The following BAIAP2L1 variants were observed in gnomAD, a reference collection of about 807,000 sequenced individuals.
BAIAP2L1 encodes the protein BAR/IMD domain containing adaptor protein 2 like 1.
A neutral mutation model predicts 66.3 loss-of-function variants in BAIAP2L1; 35 were observed. The observed-to-expected ratio is 0.53, with a 90% CI of 0.40 to 0.70. The LOEUF (loss-of-function observed/expected upper bound fraction) is 0.70, where lower values mean the gene tolerates loss of function less well. BAIAP2L1 is among the 30% of genes least tolerant of loss of function. The pLI, the probability that BAIAP2L1 is intolerant of heterozygous loss-of-function variation, is 0.00. For synonymous variants in BAIAP2L1, 269 were observed against 248.7 expected (o/e 1.08, Z -0.77); for missense variants, 622 against 656.9 (o/e 0.95, Z 0.58).
In BAIAP2L1 at chr7:98,389,344, A is replaced by G. The variant is rs201237815; in HGVS notation, c.51+11458T>C. The stretch of plus-strand genomic sequence containing the variant: ...TTATTTTTTATTTTTTTTGAGACAG[A>G]GTCTCACTCTGTCACCCAGGCTGGA... On this transcript the variant is annotated intron_variant, in intron 1 of 13. Coordinates refer to ENST00000005260, the MANE Select transcript of BAIAP2L1 (RefSeq NM_018842.5). 6.6e-4 allele frequency among the ~76,000 whole-genome samples: 101 copies of G among 151,882 alleles called. 1 individual carries two copies. The highest frequency in any genetic ancestry group is 1.2e-3 in the Non-Finnish European group (81 of 67,958).
intron 1 of BAIAP2L1, among the ~76,000 whole-genome samples, chr7:98,368,471 T>C (rs573803474): frequency 2.6e-5 from 4 of 151,238 alleles, no homozygotes; most frequent in African/African-American, 7.3e-5. Flanking sequence ...GGCGGGTGGA[T>C]CACAAGGTCA....
In BAIAP2L1 at chr7:98,310,638, C is replaced by T. The variant is rs73391047; in HGVS notation, c.808-46G>A. On this transcript the variant is annotated intron_variant, in intron 8 of 13. Coordinates refer to ENST00000005260, the MANE Select transcript of BAIAP2L1 (RefSeq NM_018842.5). ...GTCCAATATTAGTATAGTGCAGAACCGGAATTACACAGATTCCCAAGGCTG... is the reference window on the plus strand; with the variant it reads ...GTCCAATATTAGTATAGTGCAGAACTGGAATTACACAGATTCCCAAGGCTG... 2,729 of 1,405,012 alleles carry T rather than the reference C, an allele frequency of 1.9e-3. 51 individuals carry two copies. The African/African-American group carries it at 0.036, about 19-fold the overall frequency. The allele number at this position is 1,405,012 out of a possible 1,614,324, so 87.0% of individuals were successfully genotyped here.
At chr7:98,346,171 G>A (rs1801869266) in intron 3 of BAIAP2L1, among the ~76,000 whole-genome samples, 1 of 152,096 alleles carries the variant, frequency 6.6e-6, no homozygotes, top group Non-Finnish European at 1.5e-5. Context: ...AAATTAATTT[G>A]CAGATTTCAG....
At chr7:98,305,053 T>TTG (rs1554410664) in intron 11 of BAIAP2L1, among the ~76,000 whole-genome samples, 3 of 92,082 alleles carry the variant, frequency 3.3e-5, no homozygotes, top group East Asian at 3.0e-4. Context: ...TTTTGTTTTT[T>TTG]TTTTTTTTTT....
At chr7:98,338,099 A>C (rs1801653676) in intron 3 of BAIAP2L1, among the ~76,000 whole-genome samples, 1 of 152,196 alleles carries the variant, frequency 6.6e-6, no homozygotes, top group Admixed American at 6.5e-5. Context: ...TTGTGCAACC[A>C]TCACCACTAC....
At chr7:98,364,443 G>C (rs1487403821) in intron 1 of BAIAP2L1, among the ~76,000 whole-genome samples, 1 of 152,138 alleles carries the variant, frequency 6.6e-6, no homozygotes, top group African/African-American at 2.4e-5. Context: ...TGCTCAGTGT[G>C]GCTTGACTGT....
At chr7:98,302,320 G>A (rs1395430007) in intron 12 of BAIAP2L1, among the ~76,000 whole-genome samples, 3 of 152,172 alleles carry the variant, frequency 2.0e-5, no homozygotes, top group Non-Finnish European at 4.4e-5. Flanking sequence ...TGGCCAAAGT[G>A]TCAGTGCTCT....
At chr7:98,336,442 G>A (rs1006562576) in intron 3 of BAIAP2L1, among the ~76,000 whole-genome samples, 3 of 151,950 alleles carry the variant, frequency 2.0e-5, no homozygotes, top group Non-Finnish European at 4.4e-5. Context: ...GGTGAAAAAC[G>A]CTGTCTCTAC....
chr7:98,363,547 C>T (rs554840572), intron 1 of BAIAP2L1, among the ~76,000 whole-genome samples: 5 of 152,256 alleles, frequency 3.3e-5, no homozygotes, highest in Non-Finnish European at 5.9e-5. Context: ...AAGTATAAGA[C>T]AAATAACTAT....
At chr7:98,320,346 T>C in intron 3 of BAIAP2L1, 48 bp from the exon 4 acceptor site, 1 of 1,455,738 alleles carries the variant, frequency 6.9e-7, no homozygotes, top group Non-Finnish European at 9.4e-7. Context: ...GCGTATTTTT[T>C]TGTTTTGAAA....
intron 12 of BAIAP2L1, among the ~76,000 whole-genome samples, chr7:98,302,586 G>A (rs1383983546): frequency 7.6e-6 from 1 of 132,310 alleles, no homozygotes; most frequent in African/African-American, 2.6e-5. Flanking sequence ...CAGGAGACAC[G>A]GGGGAACGCA....
At chr7:98,354,491 C>T (rs1172896375) in intron 3 of BAIAP2L1, among the ~76,000 whole-genome samples, 3 of 152,174 alleles carry the variant, frequency 2.0e-5, no homozygotes, top group Non-Finnish European at 4.4e-5. Flanking sequence ...TCCCTAACCC[C>T]CGACAGTGAA....
At chr7:98,393,208 AT>A (rs1170550821) in intron 1 of BAIAP2L1, among the ~76,000 whole-genome samples, 1 of 140,520 alleles carries the variant, frequency 7.1e-6, no homozygotes, top group African/African-American at 2.6e-5. Flanking sequence ...TATATATGTA[AT>A]TTTTGTATTT....
At chr7:98,369,208 G>A (rs949393497) in intron 1 of BAIAP2L1, among the ~76,000 whole-genome samples, 4 of 152,106 alleles carry the variant, frequency 2.6e-5, no homozygotes, top group African/African-American at 9.7e-5. Context: ...CAGGCCATGC[G>A]TGGTGACTCA....
At chr7:98,353,961 CAATAAAATAAAATAAAATAA>C (rs72080714) in intron 3 of BAIAP2L1, among the ~76,000 whole-genome samples, 159 of 139,340 alleles carry the variant, frequency 1.1e-3, no homozygotes, top group Admixed American at 6.1e-3. Flanking sequence ...GACTCTGTCT[CAATAAAATAAAATAAAATAA>C]AATAAAATAA....
chr7:98,340,583 G>A (rs533704251), intron 3 of BAIAP2L1, among the ~76,000 whole-genome samples: 5 of 152,110 alleles, frequency 3.3e-5, no homozygotes, highest in East Asian at 1.9e-4. Flanking sequence ...CACCACGCCC[G>A]GCTATGTAAG....
intron 3 of BAIAP2L1, among the ~76,000 whole-genome samples, chr7:98,350,734 G>A (rs1360473117): frequency 6.6e-6 from 1 of 152,122 alleles, no homozygotes; most frequent in Non-Finnish European, 1.5e-5. Context: ...CTACCCCACA[G>A]CCCCTATTTC....
intron 12 of BAIAP2L1, among the ~76,000 whole-genome samples, chr7:98,303,610 G>A (rs927699837): frequency 1.1e-4 from 16 of 152,164 alleles, no homozygotes; most frequent in African/African-American, 2.9e-4. Context: ...TCTAGCTGGA[G>A]AGCCCACACC....
chr7:98,309,551 A>G (rs1800795413), intron 9 of BAIAP2L1: 1 of 152,242 alleles, frequency 6.6e-6, no homozygotes, highest in African/African-American at 2.4e-5. Flanking sequence ...TGTGTATTTT[A>G]GTTAACTGAC....
Sources: allele counts gnomAD v4.1 joint callset (sites outside exome capture counted in the v4.1 genomes callset), GRCh38; gene constraint gnomAD v4.1.1; transcripts MANE v1.5; gene names NCBI Gene and HGNC (gene_info 2026-07-23, HGNC 2026-07-21).